RELA: variants seen among roughly 807,000 people sequenced by gnomAD.
RELA encodes RELA proto-oncogene, NF-kB subunit.
In RELA, 14 loss-of-function variants were observed where a neutral mutation model predicts 56.7. The ratio of observed to expected loss-of-function variants is 0.25; its 90% CI spans 0.16 to 0.39. The LOEUF (loss-of-function observed/expected upper bound fraction) is 0.39. Ranked by LOEUF, RELA falls within the 10% of genes least tolerant of loss-of-function variation. The pLI is 1.00. For synonymous variants in RELA, 315 were observed against 289.7 expected (o/e 1.09, Z -0.89); for missense variants, 559 against 736.4 (o/e 0.76, Z 2.79).
At chr11:65,656,061 G>T in intron 8 of RELA, 126 bp from the exon 9 acceptor site, 2 of 785,344 alleles carry the variant, frequency 2.5e-6, no homozygotes, top group Non-Finnish European at 4.4e-6. Context: ...AACCTTCTCT[G>T]CCAATGAGAA....
intron 2 of RELA, 38 bp downstream of exon 2, chr11:65,662,141 C>A (rs1379041371): frequency 6.3e-7 from 1 of 1,594,916 alleles, no homozygotes; most frequent in East Asian, 2.2e-5. Flanking sequence ...TGCCCTACCC[C>A]AGGGAGCACC....
chr11:65,655,681 TC>T lies in RELA; in HGVS notation c.1033+6del, dbSNP rs55764628. 1,802 of 1,613,720 alleles carry T rather than the reference TC, an allele frequency of 1.1e-3. 21 individuals carry two copies. In the East Asian group the frequency reaches 0.029, roughly 26 times the overall value. On this transcript the variant is annotated splice_donor_region_variant and intron_variant, in intron 10 of 10. Transcript: ENST00000406246. ...GTCGTTCCAGTGGGACAAAAGGAAA[TC>T]CTTACCTGGCTTGGGGACAGAAGCT...
In RELA at chr11:65,658,609, C is replaced by A; in HGVS notation, c.664+109G>T. 7.3e-7 allele frequency: 1 copy of A among 1,369,658 alleles called. No homozygotes were observed. The highest frequency in any genetic ancestry group is 1.2e-5 in the South Asian group (1 of 82,328). The allele number at this position is 1,369,658 out of a possible 1,614,324, so 84.8% of individuals were successfully genotyped here. A position where few individuals can be genotyped will look rare whatever the true frequency, so the allele number is the denominator to read the frequency against. ...ACATCACCCTTCGGCCCACCTGAGG[C>A]CCCCGAGGCACAGGAGGAAGTATCC... On this transcript the variant is annotated intron_variant, in intron 7 of 10. Coordinates refer to ENST00000406246, the MANE Select transcript of RELA (RefSeq NM_021975.4). The surrounding 1 kb of genome is among the most constrained non-coding windows in gnomAD (Gnocchi z 4.5).
rs1856341965 is a variant in RELA at position 65,653,784 on chromosome 11, C to T, written c.*594G>A. 1 of 156,844 alleles carries T rather than the reference C, an allele frequency of 6.4e-6. No homozygotes were observed. 9.7% of individuals were successfully genotyped at this position (156,844 alleles called of 1,614,324 possible). On this transcript the variant is annotated 3_prime_UTR_variant, in exon 11 of 11. Coordinates refer to ENST00000406246, the MANE Select transcript of RELA (RefSeq NM_021975.4). ...GAGAGCAAGGAAGTCCCAGACCAAA[C>T]CCCTTCTGGATCCTGGAGAGAGCCA...
In RELA at chr11:65,658,576, C is replaced by T; in HGVS notation, c.665-77G>A. ...CTCCCCCTCAACTTCTGATGCTTGT[C>T]TTCTGATACATCACCCTTCGGCCCA... On this transcript the variant is annotated intron_variant, in intron 7 of 10. Transcript: ENST00000406246. This position sits in a 1 kb window ranked among gnomAD's most constrained non-coding sequence, Gnocchi z 4.5. The T allele has an allele frequency of 7.0e-7, 1 of 1,425,572 alleles. No homozygotes were observed. The highest frequency in any genetic ancestry group is 9.7e-7 in the Non-Finnish European group (1 of 1,025,648). 88.3% of individuals were successfully genotyped at this position (1,425,572 alleles called of 1,614,324 possible).
At position 65,654,993 on chromosome 11, in the gene RELA, C is replaced by G. The variant is rs997637338; in HGVS notation, c.1041G>C (p.Gln347His). Residue 347 changes from glutamine (Q) to histidine (H), a missense_variant, in exon 11 of 11, where the codon CAG becomes CAC. Physicochemically the swap from Gln to His is conservative, Grantham distance 24. Around this residue, in one of 4 missense-constraint regions of RELA, gnomAD observed 365 missense variants for 387.5 expected, o/e 0.94. Transcript: ENST00000406246. ...SSASVPKPAP[Q>H]PYPFTSSLST... ...TCAGGGATGACGTAAAGGGATAGGG[C>G]TGGGGTGCTGGAGGAGAGAGACAGA... The G allele has an allele frequency of 1.9e-6, 3 of 1,596,538 alleles. No individual in the cohort carries two copies. The African/African-American group carries it at 4.0e-5, about 21-fold the overall frequency.
Position 65,654,260 on chromosome 11 carries a change from G to T in RELA, c.*118C>A. 1 of 1,269,164 alleles carries T rather than the reference G, an allele frequency of 7.9e-7. No homozygotes were observed. Among genetic ancestry groups the T allele is most frequent in the South Asian group, 1.2e-5 (1 of 81,010 alleles). The allele number at this position is 1,269,164 out of a possible 1,614,324, so 78.6% of individuals were successfully genotyped here. ...AATAAAATATGGCTCCCCCCTCCAA[G>T]GAAGACATCCACAAAGTTGGGGGCA... On this transcript the variant is annotated 3_prime_UTR_variant, in exon 11 of 11. Coordinates refer to ENST00000406246, the MANE Select transcript of RELA (RefSeq NM_021975.4).
chr11:65,661,070 TCGC>T (rs1295931333), intron 4 of RELA, among the ~76,000 whole-genome samples: 3 of 145,280 alleles, frequency 2.1e-5, no homozygotes, highest in African/African-American at 7.6e-5. Context: ...AGACAAGGTA[TCGC>T]CCTGCCACCC....
At chr11:65,661,633 A>G in intron 4 of RELA, 54 bp downstream of exon 4, 3 of 1,499,392 alleles carry the variant, frequency 2.0e-6, no homozygotes, top group South Asian at 1.3e-5. Flanking sequence ...CGGCTACTTC[A>G]TAGCCCGCCT....
intron 6 of RELA, 35 bp downstream of exon 6, chr11:65,659,631 C>G: frequency 6.2e-7 from 1 of 1,611,948 alleles, no homozygotes; most frequent in Non-Finnish European, 8.5e-7. Context: ...TTCAGGCCCA[C>G]CCTCTCCCCT....
At chr11:65,662,756 C>A in intron 1 of RELA, 70 bp downstream of exon 1, 1 of 1,158,352 alleles carries the variant, frequency 8.6e-7, no homozygotes, top group Non-Finnish European at 1.1e-6. Context: ...CGGAAAGCGG[C>A]GCGGGGGCTC....
At position 65,658,428 on chromosome 11, in the gene RELA, G is replaced by GGTGCACATCA; in HGVS notation, c.726_735dup (p.Arg246Ter). On this transcript the variant is annotated stop_gained and frameshift_variant, in exon 8 of 11. Transcript: ENST00000406246. LOFTEE classifies it high-confidence loss of function. The surrounding 1 kb of genome is among the most constrained non-coding windows in gnomAD (Gnocchi z 4.5). ...GTCCGGAACACAATGGCCACTTGTC[G>GGTGCACATCA]GTGCACATCAGCTTGCGAAAAGGAG... 6.2e-7 allele frequency: 1 copy of GGTGCACATCA among 1,613,576 alleles called. No homozygotes were observed. The highest frequency in any genetic ancestry group is 8.5e-7 in the Non-Finnish European group (1 of 1,179,630).
intron 1 of RELA, 124 bp downstream of exon 1, chr11:65,662,702 A>C (rs1045332494): frequency 1.9e-5 from 14 of 750,284 alleles, no homozygotes; most frequent in Non-Finnish European, 5.4e-6. Flanking sequence ...ACCATCCGGC[A>C]GGCCGACCGC....
intron 10 of RELA, 95 bp downstream of exon 10, chr11:65,655,593 G>T: frequency 8.4e-7 from 1 of 1,194,346 alleles, no homozygotes. Context: ...TGATTCAGTA[G>T]GTCTGTAATG....
intron 10 of RELA, chr11:65,655,389 C>T (rs1451068053): frequency 3.4e-6 from 2 of 585,868 alleles, no homozygotes; most frequent in African/African-American, 1.9e-5. Context: ...CACAGGCACA[C>T]ACATCTTGCT....
At chr11:65,663,274 C>A (rs1001616973), upstream of RELA, among the ~76,000 whole-genome samples, 3 of 152,046 alleles carry the variant, frequency 2.0e-5, no homozygotes, top group Non-Finnish European at 4.4e-5. Context: ...GGGCTGCGGC[C>A]GCCCGCCCCG....
At chr11:65,659,884 G>A in intron 5 of RELA, 87 bp from the exon 6 acceptor site, 1 of 1,480,310 alleles carries the variant, frequency 6.8e-7, no homozygotes, top group Admixed American at 2.1e-5. Context: ...CGCTGGGAGG[G>A]CCGCTGGTGC....
At chr11:65,663,694 C>T (rs1202130460), upstream of RELA, among the ~76,000 whole-genome samples, 1 of 152,200 alleles carries the variant, frequency 6.6e-6, no homozygotes, top group Non-Finnish European at 1.5e-5. Context: ...GTGCGGGACC[C>T]ACAGGGACAC....
Position 65,659,791 on chromosome 11 carries a change from A to G in RELA, c.434T>C (p.Ile145Thr), listed in dbSNP as rs1158346001. 4 of 1,610,500 alleles carry G rather than the reference A, an allele frequency of 2.5e-6. No homozygotes were observed. The highest frequency in any genetic ancestry group is 2.2e-5 in the East Asian group (1 of 44,820). Residue 145 changes from isoleucine (I) to threonine (T), a missense_variant, in exon 6 of 11, where the codon ATA (isoleucine) becomes ACA (threonine). Ile to Thr is a moderately conservative substitution (Grantham distance 89). Transcript: ENST00000406246. ...QTNNNPFQVP[I>T]EEQRGDYDLN... is the part of the protein sequence containing the mutation. Reference sequence around the variant, plus strand: ...GTCGTAGTCCCCACGCTGCTCTTCTATAGGAACTGCCAAGAAAACAGGCGA... The same window carrying G: ...GTCGTAGTCCCCACGCTGCTCTTCTGTAGGAACTGCCAAGAAAACAGGCGA...
Sources: allele counts gnomAD v4.1 joint callset (sites outside exome capture counted in the v4.1 genomes callset), GRCh38; gene constraint gnomAD v4.1.1; regional missense constraint gnomAD v4.1.1; non-coding constraint Gnocchi (gnomAD v3.1); transcripts MANE v1.5; gene names NCBI Gene and HGNC (gene_info 2026-07-23, HGNC 2026-07-21).